WDPCP: variants seen among roughly 807,000 people sequenced by gnomAD.
WDPCP encodes the protein WD repeat-containing and planar cell polarity effector protein fritz homolog.
In WDPCP, 71 loss-of-function variants were observed where a neutral mutation model predicts 93.1. The observed-to-expected ratio is 0.76, with a 90% CI of 0.63 to 0.93. WDPCP has a LOEUF of 0.93. Ranked by LOEUF, WDPCP falls within the 40% of genes least tolerant of loss-of-function variation. The probability of loss-of-function intolerance (pLI) is 0.00; values close to 1 mark genes in which losing one functional copy is unlikely to be tolerated. For missense variants in WDPCP, 844 were observed against 887.4 expected (o/e 0.95, Z 0.62); for synonymous variants, 315 against 315.0 (o/e 1.00, Z 0.00).
At position 63,693,439 on chromosome 2, in the gene WDPCP, T is replaced by TTAGATAGATAGATAGA. The variant is rs55755279; in HGVS notation, n.309-42617_309-42602dup. 1.7e-3 allele frequency among the ~76,000 whole-genome samples: 251 copies of TTAGATAGATAGATAGA among 145,520 alleles called. 1 individual carries two copies. The highest frequency in any genetic ancestry group is 6.9e-3 in the Middle Eastern group (2 of 290). ...CTATAGACTACAGTAGATATAGATA[T>TTAGATAGATAGATAGA]TAGATAGATAGATAGATAGATAGAT... is the stretch of plus-strand genomic sequence containing the variant. On this transcript the variant is annotated intron_variant and non_coding_transcript_variant, in intron 2 of 4. Coordinates refer to the WDPCP transcript ENST00000467687.
intron 1 of WDPCP, among the ~76,000 whole-genome samples, chr2:63,552,616 G>T (rs1705765382): frequency 6.6e-6 from 1 of 152,006 alleles, no homozygotes; most frequent in African/African-American, 2.4e-5. Flanking sequence ...TTCTTTTAGG[G>T]TTTACAAATT....
intron 10 of WDPCP, among the ~76,000 whole-genome samples, chr2:63,387,374 CA>C (rs1692822656): frequency 6.6e-6 from 1 of 151,730 alleles, no homozygotes; most frequent in Non-Finnish European, 1.5e-5. Flanking sequence ...GAATGAAAAA[CA>C]AAAACCACAC....
At chr2:63,825,985 A>G (rs1338688041) in intron 1 of WDPCP, among the ~76,000 whole-genome samples, 1 of 152,118 alleles carries the variant, frequency 6.6e-6, no homozygotes, top group African/African-American at 2.4e-5. Flanking sequence ...ACAGTCCTGC[A>G]TTATCTTTTT....
chr2:63,166,752 G>C (rs987943262), intron 15 of WDPCP, among the ~76,000 whole-genome samples: 1 of 152,060 alleles, frequency 6.6e-6, no homozygotes, highest in Non-Finnish European at 1.5e-5. Flanking sequence ...GGGTAAATGA[G>C]GTGTCCATCA....
At chr2:63,292,663 T>A (rs1185371520) in intron 13 of WDPCP, among the ~76,000 whole-genome samples, 1 of 152,122 alleles carries the variant, frequency 6.6e-6, no homozygotes, top group African/African-American at 2.4e-5. Flanking sequence ...TCACACGGAT[T>A]CCCCCTTTCT....
intron 12 of WDPCP, among the ~76,000 whole-genome samples, chr2:63,376,577 T>G (rs1044233847): frequency 2.0e-5 from 3 of 151,892 alleles, no homozygotes; most frequent in Non-Finnish European, 4.4e-5. Context: ...TTTCATTCAC[T>G]TTCACCTTTT....
intron 12 of WDPCP, among the ~76,000 whole-genome samples, chr2:63,368,090 G>A (rs1275017087): frequency 6.6e-6 from 1 of 152,022 alleles, no homozygotes; most frequent in African/African-American, 2.4e-5. Context: ...ATAAGGACCA[G>A]AATCTACAGC....
chr2:63,840,202 A>G, the WDPCP span, among the ~76,000 whole-genome samples: 1 of 152,202 alleles, frequency 6.6e-6, no homozygotes, highest in Non-Finnish European at 1.5e-5. Context: ...ACTCGCTGCC[A>G]GGCACACTGA....
chr2:63,365,617 A>T (rs78557454), intron 12 of WDPCP, among the ~76,000 whole-genome samples: 1 of 152,118 alleles, frequency 6.6e-6, no homozygotes. Flanking sequence ...AAGACTAATC[A>T]GAGCACCAAT....
intron 12 of WDPCP, among the ~76,000 whole-genome samples, chr2:63,327,240 G>C (rs1462034160): frequency 1.3e-5 from 2 of 152,190 alleles, no homozygotes; most frequent in Non-Finnish European, 2.9e-5. Flanking sequence ...AAACCTGCGA[G>C]TTGTTTGCAC....
chr2:63,527,143 T>C (rs1208717155), intron 1 of WDPCP, among the ~76,000 whole-genome samples: 2 of 152,204 alleles, frequency 1.3e-5, no homozygotes, highest in African/African-American at 2.4e-5. Flanking sequence ...CACTGCTTTG[T>C]TCTTGACTAT....
At chr2:63,567,762 T>G (rs547748163) in intron 1 of WDPCP, among the ~76,000 whole-genome samples, 1 of 152,328 alleles carries the variant, frequency 6.6e-6, no homozygotes, top group Non-Finnish European at 1.5e-5. Flanking sequence ...TTGATCTTTA[T>G]TCTCTGTTAG....
chr2:63,544,830 G>T (rs764718171), intron 1 of WDPCP, among the ~76,000 whole-genome samples: 1 of 152,116 alleles, frequency 6.6e-6, no homozygotes, highest in Non-Finnish European at 1.5e-5. Flanking sequence ...ATGTGCATCT[G>T]TGAATGATAA....
chr2:63,259,558 T>C (rs1234487778), intron 13 of WDPCP, 149 bp from the exon 14 acceptor site: 8 of 687,624 alleles, frequency 1.2e-5, no homozygotes, highest in Admixed American at 8.4e-5. Context: ...CTTAGTTTTC[T>C]AGTATAAGCA....
At chr2:63,602,034 C>A (rs183943827) in intron 3 of WDPCP, among the ~76,000 whole-genome samples, 2 of 152,282 alleles carry the variant, frequency 1.3e-5, no homozygotes, top group Non-Finnish European at 2.9e-5. Context: ...ACCCCAGAAA[C>A]CCAACTGTGA....
chr2:63,808,326 C>CTCCCCTG (rs1670800167), intron 2 of WDPCP, among the ~76,000 whole-genome samples: 1 of 146,536 alleles, frequency 6.8e-6, no homozygotes, highest in African/African-American at 2.5e-5. Flanking sequence ...CCTCTCCCCT[C>CTCCCCTG]TCCCCTCTCC....
chr2:63,665,809 C>A (rs1271722800), intron 2 of WDPCP, among the ~76,000 whole-genome samples: 2 of 151,976 alleles, frequency 1.3e-5, no homozygotes, highest in African/African-American at 4.8e-5. Context: ...TAAGCATAGA[C>A]AATTCTCTAT....
intron 2 of WDPCP, among the ~76,000 whole-genome samples, chr2:63,738,369 T>C (rs1669668364): frequency 9.0e-6 from 1 of 111,702 alleles, no homozygotes; most frequent in East Asian, 2.0e-4. Context: ...CTCAGGTTCT[T>C]ATTTTTTTTA....
chr2:63,779,650 G>C (rs140846431), intron 2 of WDPCP, among the ~76,000 whole-genome samples: 1,871 of 152,244 alleles, frequency 0.012, 17 homozygotes, highest in Non-Finnish European at 0.015. Context: ...TATATCCTTG[G>C]GGCAGAGAAG....
Sources: allele counts gnomAD v4.1 joint callset (sites outside exome capture counted in the v4.1 genomes callset), GRCh38; gene constraint gnomAD v4.1.1; transcripts MANE v1.5; gene names NCBI Gene and HGNC (gene_info 2026-07-23, HGNC 2026-07-21).